The following KLF9 variants were observed in gnomAD, a reference collection of about 807,000 sequenced individuals.
The protein encoded by KLF9 is Krueppel-like factor 9.
A neutral mutation model predicts 17.3 loss-of-function variants in KLF9; 2 were observed. The observed-to-expected ratio is 0.12, with a 90% CI of 0.05 to 0.36. The LOEUF (loss-of-function observed/expected upper bound fraction) is 0.36, where lower values mean the gene tolerates loss of function less well. Ranked by LOEUF, KLF9 falls within the 10% of genes least tolerant of loss-of-function variation. The pLI is 1.00. For synonymous variants in KLF9, 138 were observed against 139.2 expected (o/e 0.99, Z 0.06); for missense variants, 226 against 333.2 (o/e 0.68, Z 2.51).
intron 1 of KLF9, among the ~76,000 whole-genome samples, chr9:70,411,695 A>G (rs1236991907): frequency 6.6e-6 from 1 of 152,164 alleles, no homozygotes; most frequent in East Asian, 1.9e-4. Context: ...TCATTTTTAA[A>G]CCACAGGCCC....
At chr9:70,409,429 A>G (rs2037294393) in intron 1 of KLF9, among the ~76,000 whole-genome samples, 1 of 151,626 alleles carries the variant, frequency 6.6e-6, no homozygotes, top group African/African-American at 2.4e-5. Flanking sequence ...TCATCCAGAT[A>G]TCAACCCAGC....
chr9:70,402,507 C>T (rs903123593), intron 1 of KLF9, among the ~76,000 whole-genome samples: 5 of 152,140 alleles, frequency 3.3e-5, no homozygotes, highest in Non-Finnish European at 7.3e-5. Flanking sequence ...TTTCTCTGGA[C>T]ATTAAAATGG....
At chr9:70,388,707 G>A (rs2037131748) in intron 1 of KLF9, among the ~76,000 whole-genome samples, 3 of 152,154 alleles carry the variant, frequency 2.0e-5, no homozygotes, top group Admixed American at 2.0e-4. Context: ...CCTGGAACGA[G>A]CATTTCTCCC....
At chr9:70,412,582 AG>A (rs980308638) in intron 1 of KLF9, among the ~76,000 whole-genome samples, 1 of 144,778 alleles carries the variant, frequency 6.9e-6, no homozygotes, top group Non-Finnish European at 1.5e-5. Flanking sequence ...GGGGCGGGAC[AG>A]GGGAGGGGCG....
intron 1 of KLF9, among the ~76,000 whole-genome samples, chr9:70,393,855 T>C (rs1009020562): frequency 3.9e-5 from 6 of 152,062 alleles, no homozygotes; most frequent in African/African-American, 1.4e-4. Context: ...ACCCCATCTC[T>C]ACCAAAAATA....
In KLF9 at chr9:70,401,701, A is replaced by G. The variant is rs576403293; in HGVS notation, c.505+11158T>C. ...GACTCCTTCACAAAAAAAAAAAAAA[A>G]AAAAGAAAAGAAAAGAAAAGAAAAA... is the stretch of plus-strand genomic sequence containing the variant. On this transcript the variant is annotated intron_variant, in intron 1 of 1. Transcript: ENST00000377126. Among the ~76,000 whole-genome samples the G allele has an allele frequency of 3.7e-3, 560 of 149,538 alleles. 1 individual carries two copies. Among genetic ancestry groups the G allele is most frequent in the Non-Finnish European group, 5.0e-3 (336 of 67,470 alleles).
At chr9:70,409,634 A>C (rs749305088) in intron 1 of KLF9, among the ~76,000 whole-genome samples, 1 of 152,176 alleles carries the variant, frequency 6.6e-6, no homozygotes, top group Non-Finnish European at 1.5e-5. Flanking sequence ...ATATATTTTC[A>C]TATAAAATAC....
chr9:70,397,873 TGAACA>T (rs2037193037), intron 1 of KLF9, among the ~76,000 whole-genome samples: 1 of 152,180 alleles, frequency 6.6e-6, no homozygotes, highest in Admixed American at 6.5e-5. Flanking sequence ...GTACGAAACA[TGAACA>T]GTTGCTTTTT....
Position 70,389,214 on chromosome 9 carries a change from T to C in KLF9, c.506-1209A>G, listed in dbSNP as rs139917536. Among the ~76,000 whole-genome samples the C allele has an allele frequency of 4.6e-5, 7 of 152,206 alleles. No individual in the cohort carries two copies. The East Asian group carries it at 1.4e-3, about 29-fold the overall frequency. ...TCCTTTAAATATCTGCAGACAGATA[T>C]GTCTTTCTTTAATCTCTTCTCCCAT... On this transcript the variant is annotated intron_variant, in intron 1 of 1. Transcript: ENST00000377126.
At chr9:70,398,688 C>A (rs1250726999) in intron 1 of KLF9, among the ~76,000 whole-genome samples, 2 of 151,968 alleles carry the variant, frequency 1.3e-5, no homozygotes, top group Non-Finnish European at 2.9e-5. Context: ...GACAGGTTTT[C>A]ACCATGTTGG....
intron 1 of KLF9, among the ~76,000 whole-genome samples, chr9:70,402,871 C>T (rs778581588): frequency 2.1e-4 from 32 of 152,160 alleles, no homozygotes; most frequent in African/African-American, 5.1e-4. Flanking sequence ...GGATGATAGC[C>T]GGGCATGGTG....
chr9:70,395,755 G>A (rs528106271), intron 1 of KLF9, among the ~76,000 whole-genome samples: 1 of 152,102 alleles, frequency 6.6e-6, no homozygotes, highest in African/African-American at 2.4e-5. Context: ...ACCAGCCTGG[G>A]TAACATGGCG....
rs575315455 is a variant in KLF9 at position 70,404,719 on chromosome 9, ATTC to A, written c.505+8137_505+8139del. Among the ~76,000 whole-genome samples, 17 of 152,296 alleles carry A rather than the reference ATTC, an allele frequency of 1.1e-4. No homozygotes were observed. In the East Asian group the frequency reaches 3.1e-3, roughly 28 times the overall value. On this transcript the variant is annotated intron_variant, in intron 1 of 1. Coordinates refer to ENST00000377126, the MANE Select transcript of KLF9 (RefSeq NM_001206.4). ...AAGGGCTTCTGGAACACACACATAA[ATTC>A]TTTATTTTTAATTATAATGGTGTGC...
chr9:70,398,485 C>T (rs2037198348), intron 1 of KLF9, among the ~76,000 whole-genome samples: 1 of 151,336 alleles, frequency 6.6e-6, no homozygotes, highest in African/African-American at 2.4e-5. Context: ...CAGCAGATAA[C>T]AGAATTTTTT....
intron 1 of KLF9, among the ~76,000 whole-genome samples, chr9:70,399,780 T>C (rs995808281): frequency 6.6e-6 from 1 of 152,248 alleles, no homozygotes; most frequent in Non-Finnish European, 1.5e-5. Flanking sequence ...AGTGCCTTTT[T>C]TTCCAATTCT....
rs2037252109 is a variant in KLF9, at chr9:70,405,884, A to G, written c.505+6975T>C. Among the ~76,000 whole-genome samples, 3 of 152,182 alleles carry G rather than the reference A, an allele frequency of 2.0e-5. No individual in the cohort carries two copies. The South Asian group carries it at 6.2e-4, about 32-fold the overall frequency. On this transcript the variant is annotated intron_variant, in intron 1 of 1. Coordinates refer to ENST00000377126, the MANE Select transcript of KLF9 (RefSeq NM_001206.4). ...AAAACAAATGTTTACTCGTGGCCTT[A>G]ATGCATCAAAAAGGTATTAAAGTTT...
At chr9:70,410,206 T>C (rs2037299512) in intron 1 of KLF9, among the ~76,000 whole-genome samples, 1 of 152,232 alleles carries the variant, frequency 6.6e-6, no homozygotes, top group Non-Finnish European at 1.5e-5. Flanking sequence ...TTGCCAGATC[T>C]TTTGATTTTT....
At chr9:70,409,465 T>C (rs986349889) in intron 1 of KLF9, among the ~76,000 whole-genome samples, 6 of 151,908 alleles carry the variant, frequency 3.9e-5, no homozygotes, top group Admixed American at 1.3e-4. Flanking sequence ...CCTGTTCTGA[T>C]GACTTCCGAG....
chr9:70,388,123 T>C, intron 1 of KLF9, 118 bp from the exon 2 acceptor site: 2 of 782,526 alleles, frequency 2.6e-6, no homozygotes, highest in South Asian at 1.7e-5. Flanking sequence ...ATGATTATTA[T>C]GTGTCCCCCT....
Sources: gnomAD v4.1 joint callset for allele counts (sites outside exome capture counted in the v4.1 genomes callset) on GRCh38, gnomAD v4.1.1 for gene constraint, MANE v1.5 for transcripts, NCBI Gene and HGNC (gene_info 2026-07-23, HGNC 2026-07-21) for gene names.